HOXC4: variants seen among roughly 807,000 people sequenced by gnomAD.
HOXC4 encodes the protein homeobox C4, also known as homeobox protein Hox-C4.
A neutral mutation model predicts 25.5 loss-of-function variants in HOXC4; 15 were observed. That is an observed-to-expected ratio of 0.59 (90% CI 0.39 to 0.91). HOXC4 has a LOEUF of 0.91. HOXC4 is among the 40% of genes least tolerant of loss of function. The probability of loss-of-function intolerance (pLI) is 0.00; values close to 1 mark genes in which losing one functional copy is unlikely to be tolerated. For missense variants in HOXC4, 342 were observed against 352.4 expected (o/e 0.97, Z 0.24); for synonymous variants, 165 against 148.0 (o/e 1.11, Z -0.83).
intron 1 of HOXC4, chr12:54,033,335 C>G: frequency 6.2e-7 from 1 of 1,613,042 alleles, no homozygotes; most frequent in Non-Finnish European, 8.5e-7. Context: ...GGGCTCACCC[C>G]GACCGCCCCG....
At position 54,054,130 on chromosome 12, in the gene HOXC4, A is replaced by G. The variant is rs1592249976; in HGVS notation, c.208A>G (p.Thr70Ala). The part of the protein sequence containing the change: ...PSYPERQYSC[T>A]SLQGPGNSRG... ...CTACCCTGAGCGCCAGTATAGCTGCACCAGTCTCCAGGGGCCCGGCAATTC... is the reference window on the plus strand; with the variant it reads ...CTACCCTGAGCGCCAGTATAGCTGCGCCAGTCTCCAGGGGCCCGGCAATTC... Residue 70 changes from threonine to alanine, a missense_variant, in exon 1 of 2, where the codon ACC (threonine) becomes GCC (alanine). Coordinates refer to ENST00000430889, the MANE Select transcript of HOXC4 (RefSeq NM_153633.3). 6.2e-7 allele frequency: 1 copy of G among 1,613,978 alleles called. No individual in the cohort carries two copies. The highest frequency in any genetic ancestry group is 8.5e-7 in the Non-Finnish European group (1 of 1,179,962).
intron 1 of HOXC4, among the ~76,000 whole-genome samples, chr12:54,026,131 G>T (rs1940687096): frequency 6.6e-6 from 1 of 152,088 alleles, no homozygotes; most frequent in African/African-American, 2.4e-5. Flanking sequence ...TGGAGGGGGG[G>T]ACAGAGTTAC....
intron 1 of HOXC4, among the ~76,000 whole-genome samples, chr12:54,045,222 G>GTATTTATAGATCGTTCTAT (rs1937675552): frequency 6.6e-6 from 1 of 152,168 alleles, no homozygotes; most frequent in Non-Finnish European, 1.5e-5. Context: ...ATGTGAAAAC[G>GTATTTATAGATCGTTCTAT]TATTTATAGA....
chr12:54,033,509 C>G (rs1463196536), intron 1 of HOXC4: 12 of 1,586,460 alleles, frequency 7.6e-6, no homozygotes, highest in East Asian at 2.3e-5. Flanking sequence ...GGCAGCCCGC[C>G]GGACTGAGCC....
At chr12:54,027,714 C>T (rs1940787076) in intron 1 of HOXC4, among the ~76,000 whole-genome samples, 2 of 152,120 alleles carry the variant, frequency 1.3e-5, no homozygotes, top group African/African-American at 4.8e-5. Flanking sequence ...GAGAAGGAGG[C>T]AGAAGGGAGC....
rs1319533204 is a variant in HOXC4 at position 54,029,490 on chromosome 12, G to T, written c.-124+12076G>T. On this transcript the variant is annotated intron_variant, in intron 1 of 3. Transcript: ENST00000303406. The stretch of plus-strand genomic sequence containing the variant: ...GAGGTCTGAAGTTGGGGTCCTCGCT[G>T]TACCCCCAGTGGGGGTGGGGCAAGG... 7.2e-6 allele frequency: 4 copies of T among 553,064 alleles called. No homozygotes were observed. The African/African-American group carries it at 8.4e-5, about 12-fold the overall frequency. The allele number at this position is 553,064 out of a possible 1,614,324, so 34.3% of individuals were successfully genotyped here. A position where few individuals can be genotyped will look rare whatever the true frequency, so the allele number is the denominator to read the frequency against.
chr12:54,028,998 GGA>G (rs1351169619), intron 1 of HOXC4: 3 of 1,423,406 alleles, frequency 2.1e-6, no homozygotes, highest in Non-Finnish European at 2.8e-6. Context: ...AAGAACGGGC[GGA>G]GAGAGTTTTT....
At chr12:54,036,546 G>T (rs886431715) in intron 1 of HOXC4, among the ~76,000 whole-genome samples, 2 of 152,046 alleles carry the variant, frequency 1.3e-5, no homozygotes, top group African/African-American at 4.8e-5. Flanking sequence ...TGGCACATAG[G>T]CAGTCTCAAC....
chr12:54,029,928 G>A, intron 1 of HOXC4: 1 of 1,601,266 alleles, frequency 6.2e-7, no homozygotes, highest in Non-Finnish European at 8.5e-7. Context: ...GAGGAAAAGC[G>A]GGAAGAGACA....
At chr12:54,048,295 C>T (rs974728205) in intron 1 of HOXC4, among the ~76,000 whole-genome samples, 2 of 152,036 alleles carry the variant, frequency 1.3e-5, no homozygotes, top group Non-Finnish European at 2.9e-5. Context: ...AGACCGCGCT[C>T]TCCAAAGTTC....
At chr12:54,054,792 G>A in intron 1 of HOXC4, 58 bp from the exon 2 acceptor site, 5 of 683,334 alleles carry the variant, frequency 7.3e-6, no homozygotes, top group Non-Finnish European at 9.1e-6. Context: ...GGGTGAGGGT[G>A]GGGGGCGGGG....
chr12:54,049,747 TACACACACACACACACACACACACAC>T (rs10590659), upstream of HOXC4, among the ~76,000 whole-genome samples: 8 of 125,822 alleles, frequency 6.4e-5, no homozygotes, highest in African/African-American at 2.1e-4. Flanking sequence ...GACAAACACA[TACACACACACACACACACACACACAC>T]ACACACACAC....
At chr12:54,024,259 G>A (rs1940583669) in intron 1 of HOXC4, among the ~76,000 whole-genome samples, 1 of 152,144 alleles carries the variant, frequency 6.6e-6, no homozygotes, top group Non-Finnish European at 1.5e-5. Flanking sequence ...GGCAGGGTCG[G>A]GCAGCTGCGG....
chr12:54,038,935 G>A (rs954647725), intron 1 of HOXC4, among the ~76,000 whole-genome samples: 2 of 152,140 alleles, frequency 1.3e-5, no homozygotes, highest in African/African-American at 4.8e-5. Flanking sequence ...AGGCTAGGGC[G>A]CCCTTCAGGT....
At chr12:54,017,871 A>T (rs1380593183) in intron 1 of HOXC4, among the ~76,000 whole-genome samples, 1 of 149,348 alleles carries the variant, frequency 6.7e-6, no homozygotes, top group Non-Finnish European at 1.5e-5. Context: ...CCCAACCCCC[A>T]AACAAACTTT....
chr12:54,028,434 G>C, intron 1 of HOXC4: 1 of 1,409,300 alleles, frequency 7.1e-7, no homozygotes. Context: ...GATTGGAGCC[G>C]TCCCTATAAC....
chr12:54,018,612 C>T (rs951038933), intron 1 of HOXC4, among the ~76,000 whole-genome samples: 3 of 152,210 alleles, frequency 2.0e-5, no homozygotes, highest in African/African-American at 7.2e-5. Flanking sequence ...GTACGTGGCC[C>T]TGAATGTGTT....
At chr12:54,043,918 CTGTGTGTGTGTGTGTG>C (rs71444829) in intron 1 of HOXC4, among the ~76,000 whole-genome samples, 67 of 127,348 alleles carry the variant, frequency 5.3e-4, no homozygotes, top group African/African-American at 1.8e-3. Flanking sequence ...AAAACACAGG[CTGTGTGTGTGTGTGTG>C]TGTGTGTGTG....
Position 54,054,211 on chromosome 12 carries a change from C to T in HOXC4, c.289C>T (p.Leu97Phe), listed in dbSNP as rs1354818264. The change falls in exon 1 of 2, where the codon CTC becomes TTC. Residue 97 changes from leucine to phenylalanine, a missense_variant. Physicochemically the swap from Leu to Phe is conservative, Grantham distance 22 (BLOSUM62 0). Coordinates refer to ENST00000430889, the MANE Select transcript of HOXC4 (RefSeq NM_153633.3). ...CCACCACCCCGAGAAATCACAGTCG[C>T]TCTGCGAGCCGGCGCCTCTCTCAGG... Reference protein sequence around the residue: ...GHHHPEKSQSLCEPAPLSGAS... With the variant: ...GHHHPEKSQSFCEPAPLSGAS... 2 of 1,612,466 alleles carry T rather than the reference C, an allele frequency of 1.2e-6. No homozygotes were observed. The highest frequency in any genetic ancestry group is 2.2e-5 in the East Asian group (1 of 44,852).
Sources: gnomAD v4.1 joint callset for allele counts (sites outside exome capture counted in the v4.1 genomes callset) on GRCh38, gnomAD v4.1.1 for gene constraint, MANE v1.5 for transcripts, NCBI Gene and HGNC (gene_info 2026-07-23, HGNC 2026-07-21) for gene names.